CENPP: variants seen among roughly 807,000 people sequenced by gnomAD.
The protein encoded by CENPP is centromere protein P.
A neutral mutation model predicts 35.6 loss-of-function variants in CENPP; 24 were observed. The observed-to-expected ratio is 0.67, with a 90% CI of 0.49 to 0.95. The LOEUF (loss-of-function observed/expected upper bound fraction) is 0.95, where lower values mean the gene tolerates loss of function less well. Ranked by LOEUF, CENPP falls within the 40% of genes least tolerant of loss-of-function variation. The probability of loss-of-function intolerance (pLI) is 0.00; values close to 1 mark genes in which losing one functional copy is unlikely to be tolerated. For missense variants in CENPP, 332 were observed against 345.3 expected (o/e 0.96, Z 0.31); for synonymous variants, 120 against 125.5 (o/e 0.96, Z 0.29).
chr9:92,619,211 TG>T lies in CENPP; in HGVS notation c.*6063del. 2.5e-6 allele frequency: 1 copy of T among 395,674 alleles called. No individual in the cohort carries two copies. Among genetic ancestry groups the T allele is most frequent in the African/African-American group, 2.0e-5 (1 of 49,964 alleles). The allele number at this position is 395,674 out of a possible 1,614,324, so 24.5% of individuals were successfully genotyped here. On this transcript the variant is annotated 3_prime_UTR_variant, in exon 8 of 8. Transcript: ENST00000375587. ...GGCAGCTCACTGTCCACATTGTTTC[TG>T]AGCTCTTGGGAGTATTTTCTTAGAA...
chr9:92,485,087 C>T (rs766881217), intron 5 of CENPP, among the ~76,000 whole-genome samples: 7 of 152,198 alleles, frequency 4.6e-5, no homozygotes, highest in Non-Finnish European at 7.3e-5. Flanking sequence ...AAAGCTTTGC[C>T]TCACATTTGC....
Position 92,531,900 on chromosome 9 carries a change from G to A in CENPP, c.565-79414G>A, listed in dbSNP as rs566324228. Among the ~76,000 whole-genome samples the A allele has an allele frequency of 5.3e-5, 8 of 151,692 alleles. No individual in the cohort carries two copies. The South Asian group carries it at 1.7e-3, about 32-fold the overall frequency. ...TGGGGTTGACAAGTGTTTTCTTTCA[G>A]CATTGTGAAGATACGGTTGATTTTT... On this transcript the variant is annotated intron_variant, in intron 5 of 7. Transcript: ENST00000375587.
At chr9:92,450,642 C>G (rs1844681373) in intron 5 of CENPP, among the ~76,000 whole-genome samples, 1 of 152,134 alleles carries the variant, frequency 6.6e-6, no homozygotes, top group Non-Finnish European at 1.5e-5. Context: ...AATGGTATTT[C>G]TAGTTCCAGA....
At chr9:92,385,520 A>G (rs773412571) in intron 5 of CENPP, 95 of 987,542 alleles carry the variant, frequency 9.6e-5, no homozygotes, top group Non-Finnish European at 1.4e-4. Context: ...AAAATGAGAT[A>G]CAAGGTTAAT....
chr9:92,574,118 C>T (rs202070001), intron 5 of CENPP, among the ~76,000 whole-genome samples: 1 of 152,196 alleles, frequency 6.6e-6, no homozygotes, highest in African/African-American at 2.4e-5. Flanking sequence ...GAGATGAACC[C>T]GGTACCTCAG....
intron 5 of CENPP, among the ~76,000 whole-genome samples, chr9:92,411,580 C>A (rs765134272): frequency 6.6e-6 from 1 of 152,164 alleles, no homozygotes; most frequent in African/African-American, 2.4e-5. Context: ...CAGGTGTAAT[C>A]CACCATGCCA....
intron 5 of CENPP, among the ~76,000 whole-genome samples, chr9:92,445,018 A>G (rs868868790): frequency 6.6e-6 from 1 of 152,130 alleles, no homozygotes; most frequent in African/African-American, 2.4e-5. Context: ...AACGTCTCCT[A>G]TGGGAGCAAG....
chr9:92,435,922 GC>G (rs1336737034), intron 5 of CENPP, among the ~76,000 whole-genome samples: 1 of 152,190 alleles, frequency 6.6e-6, no homozygotes, highest in Non-Finnish European at 1.5e-5. Context: ...TGGGGTACAT[GC>G]CCAGAGTATA....
At chr9:92,367,312 G>A (rs1173706061) in intron 4 of CENPP, among the ~76,000 whole-genome samples, 3 of 151,968 alleles carry the variant, frequency 2.0e-5, no homozygotes, top group African/African-American at 2.4e-5. Flanking sequence ...AATTACAGGG[G>A]CACGCCACCA....
chr9:92,601,642 G>T (rs1045534611), intron 5 of CENPP, among the ~76,000 whole-genome samples: 1 of 152,236 alleles, frequency 6.6e-6, no homozygotes, highest in African/African-American at 2.4e-5. Flanking sequence ...TGACTGCGTT[G>T]TGTCAGCTCC....
At position 92,378,708 on chromosome 9, in the gene CENPP, TGTG is replaced by T. The variant is rs554595126; in HGVS notation, c.468-1051_468-1049del. On this transcript the variant is annotated intron_variant, in intron 4 of 7. Coordinates refer to ENST00000375587, the MANE Select transcript of CENPP (RefSeq NM_001012267.3). Reference sequence around the variant, plus strand: ...ACATGGTTCTTGCCTTCAAGTTACTTGTGGTGTATGTGGCTTACATTATTAACA... The same window carrying T: ...ACATGGTTCTTGCCTTCAAGTTACTTGTGTATGTGGCTTACATTATTAACA... Among the ~76,000 whole-genome samples the T allele has an allele frequency of 1.1e-4, 17 of 152,336 alleles. No individual in the cohort carries two copies. The South Asian group carries it at 2.3e-3, about 20-fold the overall frequency.
chr9:92,378,097 T>C (rs1842164097), intron 4 of CENPP, among the ~76,000 whole-genome samples: 2 of 152,072 alleles, frequency 1.3e-5, no homozygotes, highest in African/African-American at 4.8e-5. Context: ...TTGGTGTCAG[T>C]TGGGGCTAGC....
intron 5 of CENPP, among the ~76,000 whole-genome samples, chr9:92,523,112 G>C (rs1238552282): frequency 6.7e-6 from 1 of 150,334 alleles, no homozygotes; most frequent in Non-Finnish European, 1.5e-5. Context: ...ATGGGGTCTT[G>C]CTCCATCGCC....
chr9:92,535,830 C>T lies in CENPP; in HGVS notation c.565-75484C>T, dbSNP rs916823733. 6 of 323,546 alleles carry T rather than the reference C, an allele frequency of 1.9e-5. 1 individual carries two copies. The highest frequency in any genetic ancestry group is 5.2e-5 in the South Asian group (2 of 38,482). The allele number at this position is 323,546 out of a possible 1,614,324, so 20.0% of individuals were successfully genotyped here. On this transcript the variant is annotated intron_variant, in intron 5 of 7. Transcript: ENST00000375587. Reference sequence around the variant, plus strand: ...TTGAACTTTAAAAATCTATTAGTAACGAGCTAATTTACTCAAGAGTTAAAC... The same window carrying T: ...TTGAACTTTAAAAATCTATTAGTAATGAGCTAATTTACTCAAGAGTTAAAC...
chr9:92,512,853 C>T (rs992530924), intron 5 of CENPP, among the ~76,000 whole-genome samples: 1 of 152,152 alleles, frequency 6.6e-6, no homozygotes, highest in Non-Finnish European at 1.5e-5. Flanking sequence ...AGGCTTTAGA[C>T]TTTCACAAAT....
At chr9:92,531,622 TTC>T (rs1422717544) in intron 5 of CENPP, among the ~76,000 whole-genome samples, 1 of 152,166 alleles carries the variant, frequency 6.6e-6, no homozygotes, top group African/African-American at 2.4e-5. Flanking sequence ...CATTAGTACC[TTC>T]CTCCTAGTTG....
chr9:92,395,097 A>G (rs1018906642), intron 5 of CENPP, among the ~76,000 whole-genome samples: 1 of 151,960 alleles, frequency 6.6e-6, no homozygotes, highest in African/African-American at 2.4e-5. Context: ...AACATATACG[A>G]TTTTTACATA....
In CENPP at chr9:92,546,430, C is replaced by T. The variant is rs561375256; in HGVS notation, c.565-64884C>T. Among the ~76,000 whole-genome samples, 9 of 152,318 alleles carry T rather than the reference C, an allele frequency of 5.9e-5. No homozygotes were observed. In the South Asian group the frequency reaches 8.3e-4, roughly 14 times the overall value. On this transcript the variant is annotated intron_variant, in intron 5 of 7. Coordinates refer to ENST00000375587, the MANE Select transcript of CENPP (RefSeq NM_001012267.3). ...TCCACGCTGACTTTATGAGCTGTAA[C>T]ACTCATGGGGGAAGATCTGCAGCTT...
intron 5 of CENPP, among the ~76,000 whole-genome samples, chr9:92,567,369 G>GATATATATATATATATATATATATATAT (rs888840109): frequency 3.8e-5 from 4 of 104,096 alleles, no homozygotes; most frequent in African/African-American, 5.8e-5. Context: ...AGTTACATAA[G>GATATATATATATATATATATATATATAT]ATAGATATAT....
Sources: allele counts gnomAD v4.1 joint callset (sites outside exome capture counted in the v4.1 genomes callset), GRCh38; gene constraint gnomAD v4.1.1; transcripts MANE v1.5; gene names NCBI Gene and HGNC (gene_info 2026-07-23, HGNC 2026-07-21).